Variants in NUP160 observed in about 807,000 individuals in gnomAD.
NUP160 encodes the protein nuclear pore complex protein Nup160.
Under a neutral mutation model 196.9 loss-of-function variants are expected in NUP160, and 94 were observed. The observed-to-expected ratio is 0.48, with a 90% confidence interval of 0.40 to 0.57. The LOEUF (loss-of-function observed/expected upper bound fraction) is 0.57, where lower values mean the gene tolerates loss of function less well. NUP160 is among the 20% of genes least tolerant of loss of function. The pLI is 0.00. For synonymous variants in NUP160, 605 were observed against 619.7 expected, an observed-to-expected ratio of 0.98 and a Z score of 0.35; for missense variants, 1,638 against 1,748.3, an observed-to-expected ratio of 0.94 and a Z score of 1.13.
In NUP160 at chr11:47,841,367, T is replaced by C. The variant is rs529736789; in HGVS notation, c.315-779A>G. On this transcript the variant is annotated intron_variant, in intron 2 of 35. Coordinates refer to ENST00000378460, the Ensembl canonical transcript of NUP160. ...GATCATATTCGTGGTACCTGTCCAT[T>C]TTCTTATGCAAACTGTGATACAATC... 8.0e-5 allele frequency: 34 copies of C among 425,260 alleles called. No homozygotes were observed. The East Asian group carries it at 1.7e-3, about 22-fold the overall frequency. 26.3% of individuals were successfully genotyped at this position (425,260 alleles called of 1,614,324 possible).
intron 34 of NUP160, among the ~76,000 whole-genome samples, chr11:47,781,113 C>T (rs1395128805): frequency 2.0e-5 from 3 of 151,860 alleles, no homozygotes. Flanking sequence ...GTCCCAGCTG[C>T]TCGGGAGGCT....
intron 7 of NUP160, among the ~76,000 whole-genome samples, chr11:47,829,398 A>G (rs1254149792): frequency 6.6e-6 from 1 of 152,114 alleles, no homozygotes; most frequent in Non-Finnish European, 1.5e-5. Context: ...CTCCACCACC[A>G]GGTTTCAAGC....
At chr11:47,796,972 C>T (rs1433366652) in intron 27 of NUP160, among the ~76,000 whole-genome samples, 2 of 152,012 alleles carry the variant, frequency 1.3e-5, no homozygotes, top group African/African-American at 2.4e-5. Context: ...GGATTACAGG[C>T]GTGGGCCACC....
At chr11:47,841,484 A>G in intron 2 of NUP160, 2 of 405,424 alleles carry the variant, frequency 4.9e-6, no homozygotes, top group Non-Finnish European at 9.7e-6. Context: ...CTGCAGTACA[A>G]TGAAGCTCTA....
At chr11:47,807,487 G>C (rs1258667811) in intron 18 of NUP160, among the ~76,000 whole-genome samples, 1 of 152,068 alleles carries the variant, frequency 6.6e-6, no homozygotes, top group East Asian at 1.9e-4. Context: ...CCAACATGGT[G>C]AAACGCCACC....
intron 13 of NUP160, 45 bp downstream of exon 13, chr11:47,815,434 C>T: frequency 1.4e-6 from 2 of 1,451,402 alleles, no homozygotes; most frequent in Non-Finnish European, 1.8e-6. Context: ...ATAACAGCCA[C>T]TGAACTGTCT....
intron 4 of NUP160, 101 bp downstream of exon 4, chr11:47,839,742 G>A (rs138672289): frequency 5.5e-5 from 53 of 955,684 alleles, no homozygotes; most frequent in Non-Finnish European, 8.7e-5. Flanking sequence ...CAGTTCCGGG[G>A]CAGTAGAGAT....
chr11:47,792,977 A>C, intron 27 of NUP160, 31 bp from the exon 28 acceptor site: 1 of 1,581,002 alleles, frequency 6.3e-7, no homozygotes, highest in Non-Finnish European at 8.6e-7. Context: ...AGACTTTAGA[A>C]CTTCCAAATT....
exon 31 of NUP160, chr11:47,788,263 G>C (rs867080969): frequency 1.2e-6 from 2 of 1,613,840 alleles, no homozygotes; most frequent in African/African-American, 2.7e-5. Flanking sequence ...AAAGAGGCCC[G>C]CCTGAACCAA....
At chr11:47,799,349 G>C (rs1269826458) in intron 23 of NUP160, among the ~76,000 whole-genome samples, 1 of 152,042 alleles carries the variant, frequency 6.6e-6, no homozygotes, top group African/African-American at 2.4e-5. Flanking sequence ...GCTTCCCAAA[G>C]TGCTAAGGTT....
intron 7 of NUP160, among the ~76,000 whole-genome samples, chr11:47,831,883 C>A (rs1301131344): frequency 1.7e-5 from 2 of 115,264 alleles, no homozygotes; most frequent in African/African-American, 3.4e-5. Flanking sequence ...CAGATCTGAT[C>A]TAATAAATTC....
exon 36 of NUP160, chr11:47,779,044 T>C: frequency 8.4e-7 from 1 of 1,190,402 alleles, no homozygotes; most frequent in Non-Finnish European, 1.3e-6. Flanking sequence ...AGGGTTCCTG[T>C]AGGGTAGTCT....
At chr11:47,823,213 A>G (rs1259181589) in intron 7 of NUP160, among the ~76,000 whole-genome samples, 1 of 152,206 alleles carries the variant, frequency 6.6e-6, no homozygotes, top group East Asian at 1.9e-4. Flanking sequence ...GTAGTAAAAT[A>G]CACATAACGT....
At chr11:47,795,492 T>C (rs2097670370) in intron 27 of NUP160, among the ~76,000 whole-genome samples, 1 of 152,180 alleles carries the variant, frequency 6.6e-6, no homozygotes, top group African/African-American at 2.4e-5. Flanking sequence ...AACCTGCCTA[T>C]GAATAAACCC....
At position 47,837,935 on chromosome 11, in the gene NUP160, C is replaced by T. The variant is rs543659415; in HGVS notation, c.749-312G>A. 2.0e-5 allele frequency among the ~76,000 whole-genome samples: 3 copies of T among 152,296 alleles called. No individual in the cohort carries two copies. The South Asian group carries it at 6.2e-4, about 32-fold the overall frequency. On this transcript the variant is annotated intron_variant, in intron 4 of 35. Transcript: ENST00000378460. Reference sequence around the variant, plus strand: ...CACTAGGTACCTTTCATGTGCCAGGCACAGTTCTAGATGGTAGTGACATAG... The same window carrying T: ...CACTAGGTACCTTTCATGTGCCAGGTACAGTTCTAGATGGTAGTGACATAG...
At chr11:47,786,259 T>C (rs1032617742) in intron 32 of NUP160, among the ~76,000 whole-genome samples, 194 bp downstream of exon 32, 1 of 152,196 alleles carries the variant, frequency 6.6e-6, no homozygotes, top group Admixed American at 6.5e-5. Flanking sequence ...AGACATTTCA[T>C]AGGCAAAGAC....
At chr11:47,793,842 G>C (rs971136167) in intron 27 of NUP160, among the ~76,000 whole-genome samples, 2 of 142,816 alleles carry the variant, frequency 1.4e-5, no homozygotes, top group Admixed American at 1.5e-4. Context: ...CTGGGTTCAA[G>C]CGATTCTCCT....
At chr11:47,815,401 T>G in intron 13 of NUP160, 78 bp downstream of exon 13, 1 of 1,182,752 alleles carries the variant, frequency 8.5e-7, no homozygotes, top group Non-Finnish European at 1.2e-6. Flanking sequence ...ACTGAACTTT[T>G]TGTTTTCTGA....
chr11:47,836,804 TTAGAGA>T, intron 6 of NUP160, 77 bp downstream of exon 6: 3 of 827,328 alleles, frequency 3.6e-6, no homozygotes, highest in Non-Finnish European at 6.1e-6. Flanking sequence ...CTAATAATCT[TTAGAGA>T]AACAGCAAAA....
Sources: gnomAD v4.1 joint callset for allele counts (sites outside exome capture counted in the v4.1 genomes callset) on GRCh38, gnomAD v4.1.1 for gene constraint, MANE v1.5 for transcripts, NCBI Gene and HGNC (gene_info 2026-07-23, HGNC 2026-07-21) for gene names.